FANK1: variants seen among roughly 807,000 people sequenced by gnomAD.
FANK1 encodes fibronectin type 3 and ankyrin repeat domains protein 1.
FANK1 carries 44 observed loss-of-function variants against 45.3 expected under a neutral mutation model. That is an observed-to-expected ratio of 0.97 (90% CI 0.76 to 1.25). FANK1 has a LOEUF of 1.25. FANK1 is among the 50% of genes most tolerant of loss of function. The probability of loss-of-function intolerance (pLI) is 0.00; values close to 1 mark genes in which losing one functional copy is unlikely to be tolerated. For synonymous variants in FANK1, 149 were observed against 152.5 expected, an observed-to-expected ratio of 0.98 and a Z score of 0.17; for missense variants, 391 against 424.4, an observed-to-expected ratio of 0.92 and a Z score of 0.69.
chr10:125,957,370 C>A (rs1287775996), intron 1 of FANK1, among the ~76,000 whole-genome samples: 1 of 151,488 alleles, frequency 6.6e-6, no homozygotes, highest in Admixed American at 6.6e-5. Flanking sequence ...CACATACTTG[C>A]CTTTGTTAGG....
intron 1 of FANK1, among the ~76,000 whole-genome samples, chr10:125,913,291 A>G (rs1054597129): frequency 6.6e-6 from 1 of 152,028 alleles, no homozygotes; most frequent in Non-Finnish European, 1.5e-5. Flanking sequence ...ATGACACCCA[A>G]ACTCATTCTG....
chr10:126,009,023 C>T, intron 8 of FANK1, 31 bp from the exon 9 acceptor site: 2 of 1,607,402 alleles, frequency 1.2e-6, no homozygotes, highest in East Asian at 2.2e-5. Flanking sequence ...GGGAGAAGCT[C>T]ATGCACACCA....
chr10:125,992,316 C>T (rs192332947), intron 3 of FANK1, among the ~76,000 whole-genome samples: 137 of 152,268 alleles, frequency 9.0e-4, no homozygotes, highest in Admixed American at 1.4e-3. Flanking sequence ...TAAATGGAGA[C>T]GTTTTCGTAC....
intron 7 of FANK1, among the ~76,000 whole-genome samples, chr10:126,005,396 C>G (rs1424916451): frequency 1.3e-5 from 2 of 151,512 alleles, no homozygotes; most frequent in African/African-American, 2.4e-5. Context: ...AGGCCTCCGC[C>G]TCCCAGGTTC....
intron 1 of FANK1, among the ~76,000 whole-genome samples, chr10:125,903,675 TA>T (rs1283001340): frequency 7.8e-6 from 1 of 127,952 alleles, no homozygotes; most frequent in African/African-American, 2.7e-5. Flanking sequence ...AATTTTTTTT[TA>T]AGTTTTAATT....
intron 1 of FANK1, among the ~76,000 whole-genome samples, chr10:125,925,078 G>A (rs1280913889): frequency 1.3e-5 from 2 of 151,844 alleles, no homozygotes; most frequent in East Asian, 3.9e-4. Context: ...GTCTGTTTCT[G>A]TAGTTAAATC....
At chr10:125,899,868 A>G in intron 1 of FANK1, among the ~76,000 whole-genome samples, 1 of 151,852 alleles carries the variant, frequency 6.6e-6, no homozygotes, top group Admixed American at 6.6e-5. Context: ...TAGCATCAGT[A>G]AATTGGTTAT....
At chr10:125,980,745 A>C (rs1590150954) in intron 2 of FANK1, 1 of 171,402 alleles carries the variant, frequency 5.8e-6, no homozygotes, top group Non-Finnish European at 1.2e-5. Flanking sequence ...ACTCTCTTAT[A>C]CCACGCTGGC....
rs1475232419 is a variant in FANK1, at chr10:125,936,425, G to C, written c.13+39770G>C. Among the ~76,000 whole-genome samples the C allele has an allele frequency of 1.1e-4, 13 of 114,656 alleles. No individual in the cohort carries two copies. In the Admixed American group the frequency reaches 1.2e-3, roughly 11 times the overall value. The allele number at this position is 114,656 out of a possible 152,430, so 75.2% of individuals were successfully genotyped here. A position where few individuals can be genotyped will look rare whatever the true frequency, so the allele number is the denominator to read the frequency against. The stretch of plus-strand genomic sequence containing the variant: ...CAAAGTGAACCCACTGGAGCGAGAT[G>C]CTGTCTCAAAAAAAAAAAAAAAAAA... On this transcript the variant is annotated intron_variant, in intron 1 of 10. Coordinates refer to ENST00000368693, the MANE Select transcript of FANK1 (RefSeq NM_145235.5).
At chr10:125,960,911 A>G (rs1949883997) in intron 1 of FANK1, among the ~76,000 whole-genome samples, 1 of 152,154 alleles carries the variant, frequency 6.6e-6, no homozygotes, top group African/African-American at 2.4e-5. Flanking sequence ...ATATTGAACC[A>G]CAAAAGACTC....
intron 1 of FANK1, among the ~76,000 whole-genome samples, chr10:125,941,255 G>GA (rs112924462): frequency 0.014 from 2,106 of 152,172 alleles, 65 homozygotes; most frequent in East Asian, 0.096. Context: ...TACATCCAGT[G>GA]AAAAAACAAG....
intron 1 of FANK1, among the ~76,000 whole-genome samples, chr10:125,928,799 A>G (rs1302634654): frequency 6.6e-6 from 1 of 152,070 alleles, no homozygotes; most frequent in Non-Finnish European, 1.5e-5. Flanking sequence ...CTAGCTTTCT[A>G]TTGGGTTACC....
chr10:125,964,195 T>C (rs1451342649), intron 1 of FANK1, among the ~76,000 whole-genome samples: 1 of 137,412 alleles, frequency 7.3e-6, no homozygotes, highest in African/African-American at 2.8e-5. Context: ...TCTTTTTTTT[T>C]TTTTTTTTTT....
intron 1 of FANK1, among the ~76,000 whole-genome samples, chr10:125,923,366 T>C (rs1589870530): frequency 6.6e-6 from 1 of 151,198 alleles, no homozygotes; most frequent in African/African-American, 2.4e-5. Context: ...GAGGCTGAGG[T>C]GGGAGGATCA....
At chr10:125,994,378 G>T in intron 3 of FANK1, 1 of 985,300 alleles carries the variant, frequency 1.0e-6, no homozygotes, top group East Asian at 1.1e-4. Flanking sequence ...CATTACTTAG[G>T]TTTGTTGAAT....
intron 6 of FANK1, among the ~76,000 whole-genome samples, chr10:125,999,222 C>T (rs1324400996): frequency 1.6e-5 from 2 of 125,536 alleles, no homozygotes; most frequent in African/African-American, 3.1e-5. Flanking sequence ...TTTTTTGAGA[C>T]GGAATCTCAC....
chr10:125,993,155 T>C (rs1275728713), intron 3 of FANK1, among the ~76,000 whole-genome samples: 2 of 152,190 alleles, frequency 1.3e-5, no homozygotes, highest in East Asian at 1.9e-4. Context: ...TAGGATTTGA[T>C]TTAGGATACT....
chr10:125,918,424 C>T (rs576921759), intron 1 of FANK1, among the ~76,000 whole-genome samples: 229 of 151,872 alleles, frequency 1.5e-3, no homozygotes, highest in Middle Eastern at 3.4e-3. Flanking sequence ...GGTGTGGTGG[C>T]GGGTACCTGT....
At chr10:125,970,230 G>C (rs1275587486) in intron 1 of FANK1, among the ~76,000 whole-genome samples, 9 of 151,636 alleles carry the variant, frequency 5.9e-5, no homozygotes, top group Non-Finnish European at 1.3e-4. Context: ...ACCCCCCAGA[G>C]GGGGCGGCCA....
Sources: allele counts gnomAD v4.1 joint callset (sites outside exome capture counted in the v4.1 genomes callset), GRCh38; gene constraint gnomAD v4.1.1; transcripts MANE v1.5; gene names NCBI Gene and HGNC (gene_info 2026-07-23, HGNC 2026-07-21).